The following GBE1 variants were observed in gnomAD, a reference collection of about 807,000 sequenced individuals.
GBE1 encodes 1,4-alpha-glucan branching enzyme 1, also known as 1,4-alpha-glucan-branching enzyme.
A neutral mutation model predicts 88.8 loss-of-function variants in GBE1; 70 were observed. That is an observed-to-expected ratio of 0.79 (90% CI 0.65 to 0.96). The LOEUF (loss-of-function observed/expected upper bound fraction) is 0.96. GBE1 is among the 40% of genes least tolerant of loss of function. The pLI, the probability that GBE1 is intolerant of heterozygous loss-of-function variation, is 0.00. For synonymous variants in GBE1, 284 were observed against 300.1 expected, an observed-to-expected ratio of 0.95 and a Z score of 0.56; for missense variants, 872 against 871.0, an observed-to-expected ratio of 1.00 and a Z score of -0.01.
rs2107250690 is a variant in GBE1 at position 81,761,431 on chromosome 3, GGCCAGTTCGGGCACGTCA to G, written c.69_86del (p.Asp24_Ala29del). On this transcript the variant is annotated inframe_deletion, in exon 1 of 16. Transcript: ENST00000429644. ...AGTACGGGTCGATCTCCAGGAGTCTGGCCAGTTCGGGCACGTCAGCCAGGGCGGCATTGAGCGCCGCCT... is the reference window on the plus strand; with the variant it reads ...AGTACGGGTCGATCTCCAGGAGTCTGGCCAGGGCGGCATTGAGCGCCGCCT... The G allele has an allele frequency of 1.2e-6, 2 of 1,613,710 alleles. No individual in the cohort carries two copies. Among genetic ancestry groups the G allele is most frequent in the Non-Finnish European group, 1.7e-6 (2 of 1,179,712 alleles).
chr3:81,511,660 C>T lies in GBE1; in HGVS notation c.1935-12433G>A, dbSNP rs546767345. Among the ~76,000 whole-genome samples, 3 of 151,872 alleles carry T rather than the reference C, an allele frequency of 2.0e-5. No individual in the cohort carries two copies. In the East Asian group the frequency reaches 5.8e-4, roughly 29 times the overall value. On this transcript the variant is annotated intron_variant, in intron 14 of 15. Coordinates refer to ENST00000429644, the MANE Select transcript of GBE1 (RefSeq NM_000158.4). ...GACCGTTTTACACCAGACACAATGG[C>T]TATTATTAAAAAGTCAAAAAACAAC...
intron 2 of GBE1, among the ~76,000 whole-genome samples, chr3:81,704,547 C>T (rs116816035): frequency 1.0e-3 from 157 of 152,084 alleles, no homozygotes; most frequent in African/African-American, 3.7e-3. Context: ...CACAGTTTTG[C>T]TGTTTCTAAA....
At chr3:81,743,896 G>A (rs1706386148) in intron 1 of GBE1, among the ~76,000 whole-genome samples, 1 of 152,060 alleles carries the variant, frequency 6.6e-6, no homozygotes, top group Non-Finnish European at 1.5e-5. Context: ...TGTTAAGTAT[G>A]TGGCATATCT....
chr3:81,601,573 G>A (rs1704032800), intron 7 of GBE1, among the ~76,000 whole-genome samples: 1 of 152,092 alleles, frequency 6.6e-6, no homozygotes, highest in Non-Finnish European at 1.5e-5. Flanking sequence ...CCTGAATGGG[G>A]ATTAAATGGA....
intron 12 of GBE1, among the ~76,000 whole-genome samples, chr3:81,558,428 C>G (rs889914831): frequency 1.3e-5 from 2 of 152,084 alleles, no homozygotes; most frequent in South Asian, 2.1e-4. Context: ...TCTATCTCAT[C>G]AAGTTGCAAA....
chr3:81,752,071 CATTAAA>C (rs1467318394), intron 1 of GBE1, among the ~76,000 whole-genome samples: 1 of 152,120 alleles, frequency 6.6e-6, no homozygotes, highest in African/African-American at 2.4e-5. Flanking sequence ...GATTGTGTCT[CATTAAA>C]ATTAATCATT....
intron 7 of GBE1, among the ~76,000 whole-genome samples, chr3:81,622,611 T>C (rs1280164629): frequency 6.6e-6 from 1 of 152,196 alleles, no homozygotes; most frequent in African/African-American, 2.4e-5. Context: ...CTACTCAATA[T>C]TTCCACTTAC....
chr3:81,750,941 G>T (rs1706521537), intron 1 of GBE1, among the ~76,000 whole-genome samples: 1 of 151,410 alleles, frequency 6.6e-6, no homozygotes, highest in South Asian at 2.1e-4. Context: ...GCCTCCAAAA[G>T]TGCTGGGATT....
At chr3:81,759,552 T>G (rs1706651417) in intron 1 of GBE1, among the ~76,000 whole-genome samples, 1 of 152,228 alleles carries the variant, frequency 6.6e-6, no homozygotes, top group Non-Finnish European at 1.5e-5. Context: ...CACTAACAAA[T>G]GCCAAATTAC....
Position 81,512,981 on chromosome 3 carries a change from T to TAAACA in GBE1, c.1935-13755_1935-13754insTGTTT, listed in dbSNP as rs1251008871. On this transcript the variant is annotated intron_variant, in intron 14 of 15. Transcript: ENST00000429644. ...GTAATTTTGTTTAATTTGAATGGGC[T>TAAACA]GAGCTAGGTTATACTAGAGTTTTTC... Among the ~76,000 whole-genome samples the TAAACA allele has an allele frequency of 3.8e-3, 576 of 151,858 alleles. 2 individuals carry two copies. The highest frequency in any genetic ancestry group is 5.5e-3 in the African/African-American group (230 of 41,488).
intron 7 of GBE1, among the ~76,000 whole-genome samples, chr3:81,615,362 A>G (rs879804490): frequency 6.6e-6 from 1 of 152,202 alleles, no homozygotes; most frequent in Admixed American, 6.5e-5. Flanking sequence ...GCATCAATAC[A>G]GCCAAGATAC....
chr3:81,493,992 C>A (rs1232240610), intron 15 of GBE1, among the ~76,000 whole-genome samples: 1 of 151,846 alleles, frequency 6.6e-6, no homozygotes, highest in East Asian at 1.9e-4. Context: ...ATGACAGTTC[C>A]ATCATACTTA....
chr3:81,621,751 T>G (rs1382416895), intron 7 of GBE1, among the ~76,000 whole-genome samples: 1 of 152,180 alleles, frequency 6.6e-6, no homozygotes, highest in African/African-American at 2.4e-5. Flanking sequence ...TCCTATCACA[T>G]TTCCTTAGTG....
At chr3:81,554,032 T>C (rs796374083) in intron 12 of GBE1, among the ~76,000 whole-genome samples, 9 of 152,264 alleles carry the variant, frequency 5.9e-5, no homozygotes, top group African/African-American at 2.2e-4. Context: ...CACACAATGT[T>C]GTAAGAACCA....
intron 2 of GBE1, among the ~76,000 whole-genome samples, chr3:81,671,255 T>C (rs773084598): frequency 5.3e-5 from 8 of 152,170 alleles, no homozygotes; most frequent in Non-Finnish European, 7.4e-5. Context: ...AAGAAAATGA[T>C]GGATCCTTTT....
chr3:81,584,922 T>C (rs1193679656), intron 10 of GBE1, among the ~76,000 whole-genome samples: 1 of 152,016 alleles, frequency 6.6e-6, no homozygotes. Context: ...GTAAGATTTG[T>C]CACTTGTGAG....
chr3:81,549,978 C>CTTGG (rs1180370534), intron 12 of GBE1, among the ~76,000 whole-genome samples: 1 of 151,206 alleles, frequency 6.6e-6, no homozygotes, highest in East Asian at 1.9e-4. Flanking sequence ...ATAAACCAAC[C>CTTGG]AGTGATCTCT....
intron 3 of GBE1, among the ~76,000 whole-genome samples, chr3:81,662,335 C>G (rs1236913741): frequency 6.6e-6 from 1 of 152,070 alleles, no homozygotes; most frequent in Non-Finnish European, 1.5e-5. Context: ...CCCGGCCCTT[C>G]CTGCTATTTT....
intron 12 of GBE1, among the ~76,000 whole-genome samples, chr3:81,558,608 T>C (rs991321566): frequency 2.6e-5 from 4 of 151,996 alleles, no homozygotes; most frequent in Non-Finnish European, 4.4e-5. Context: ...GTTATGAAAA[T>C]ATTTGTGACT....
Sources: gnomAD v4.1 joint callset for allele counts (sites outside exome capture counted in the v4.1 genomes callset) on GRCh38, gnomAD v4.1.1 for gene constraint, MANE v1.5 for transcripts, NCBI Gene and HGNC (gene_info 2026-07-23, HGNC 2026-07-21) for gene names.